GALK2: variants seen among roughly 807,000 people sequenced by gnomAD.
GALK2 encodes the protein N-acetylgalactosamine kinase.
GALK2 carries 36 observed loss-of-function variants against 52.4 expected under a neutral mutation model. The observed-to-expected ratio is 0.69, with a 90% CI of 0.53 to 0.91. GALK2 has a LOEUF of 0.91. Ranked by LOEUF, GALK2 falls within the 40% of genes least tolerant of loss-of-function variation. The pLI, the probability that GALK2 is intolerant of heterozygous loss-of-function variation, is 0.00. For synonymous variants in GALK2, 176 were observed against 199.1 expected (o/e 0.88, Z 0.98); for missense variants, 579 against 559.1 (o/e 1.04, Z -0.36).
downstream of GALK2, among the ~76,000 whole-genome samples, chr15:49,334,508 A>T (rs1375236660): frequency 6.6e-6 from 1 of 152,184 alleles, no homozygotes; most frequent in Non-Finnish European, 1.5e-5. Flanking sequence ...ACCTGAGTAC[A>T]GCTGGACTCC....
rs150631282 is a variant in GALK2, at chr15:49,170,331, A to G, written c.9A>G (p.Thr3=). The G allele has an allele frequency of 2.5e-6, 4 of 1,590,028 alleles. No individual in the cohort carries two copies. The East Asian group carries it at 9.1e-5, about 36-fold the overall frequency. ...GAAGGATCTAGCGAAATATGGCTACAGAGAGCCCTGCTACGCGTCGGGTCC... is the reference window on the plus strand; with the variant it reads ...GAAGGATCTAGCGAAATATGGCTACGGAGAGCCCTGCTACGCGTCGGGTCC... The part of the protein sequence containing the change: MA[T]ESPATRRVQV... Residue 3 remains threonine (T), a synonymous_variant, in exon 1 of 10, where the codon ACA becomes ACG. Coordinates refer to ENST00000560031, the MANE Select transcript of GALK2 (RefSeq NM_002044.4).
chr15:49,281,173 T>C (rs1456688739), intron 5 of GALK2, among the ~76,000 whole-genome samples: 1 of 152,204 alleles, frequency 6.6e-6, no homozygotes, highest in East Asian at 1.9e-4. Context: ...GGGATTTATC[T>C]ATAGTAGCTA....
At chr15:49,351,895 T>C (rs1397286169) in intron 3 of GALK2, among the ~76,000 whole-genome samples, 1 of 152,220 alleles carries the variant, frequency 6.6e-6, no homozygotes, top group African/African-American at 2.4e-5. Context: ...TGTCTATTGC[T>C]ATATAACAAA....
chr15:49,156,728 G>C, intron 1 of GALK2: 1 of 538,942 alleles, frequency 1.9e-6, no homozygotes. Context: ...ATGAACTGCT[G>C]AGAAAATAGC....
At chr15:49,157,547 G>T (rs556606096) in intron 1 of GALK2, among the ~76,000 whole-genome samples, 10 of 152,306 alleles carry the variant, frequency 6.6e-5, no homozygotes, top group African/African-American at 2.4e-4. Flanking sequence ...GGCCTTCAGA[G>T]AGAGAGGCAG....
At chr15:49,170,121 A>T, upstream of GALK2, 1 of 1,256,048 alleles carries the variant, frequency 8.0e-7, no homozygotes, top group Non-Finnish European at 1.1e-6. Context: ...GCTTGGAGGG[A>T]ACCCTGGCTG....
chr15:49,350,689 C>G (rs2042109662), intron 3 of GALK2, among the ~76,000 whole-genome samples: 1 of 152,152 alleles, frequency 6.6e-6, no homozygotes, highest in Admixed American at 6.5e-5. Context: ...AATTTTTGAC[C>G]TTGGTGGGTC....
intron 3 of GALK2, chr15:49,226,584 C>G (rs1371611808): frequency 6.6e-6 from 1 of 151,952 alleles, no homozygotes; most frequent in East Asian, 1.9e-4. Context: ...ACTTTATTTA[C>G]TTCTATTCTG....
intron 1 of GALK2, among the ~76,000 whole-genome samples, chr15:49,175,858 T>C (rs1276680656): frequency 6.6e-6 from 1 of 152,180 alleles, no homozygotes; most frequent in African/African-American, 2.4e-5. Context: ...TGTTCCCTTC[T>C]AATTACCAGT....
At chr15:49,340,739 T>C (rs2040595532) in intron 3 of GALK2, among the ~76,000 whole-genome samples, 1 of 152,196 alleles carries the variant, frequency 6.6e-6, no homozygotes, top group Non-Finnish European at 1.5e-5. Flanking sequence ...TGATGTTTTA[T>C]ATTGCTGTGC....
intron 3 of GALK2, among the ~76,000 whole-genome samples, chr15:49,234,583 G>A (rs892459888): frequency 1.3e-5 from 2 of 152,064 alleles, no homozygotes; most frequent in African/African-American, 4.8e-5. Flanking sequence ...ATGTGCAGGG[G>A]AACTCCCCTT....
chr15:49,314,401 A>C (rs1273546790), intron 8 of GALK2, among the ~76,000 whole-genome samples: 2 of 152,178 alleles, frequency 1.3e-5, no homozygotes, highest in Non-Finnish European at 2.9e-5. Context: ...GAAGTTTACT[A>C]ATTGTTTCCA....
At chr15:49,243,237 C>T (rs1298669342) in intron 5 of GALK2, among the ~76,000 whole-genome samples, 1 of 152,132 alleles carries the variant, frequency 6.6e-6, no homozygotes, top group African/African-American at 2.4e-5. Flanking sequence ...GGAGAAACAA[C>T]CAGAGATCAT....
intron 5 of GALK2, among the ~76,000 whole-genome samples, chr15:49,281,549 C>A (rs2032700467): frequency 6.6e-6 from 1 of 152,064 alleles, no homozygotes; most frequent in African/African-American, 2.4e-5. Context: ...TACTTTTGGA[C>A]AGGAAAATAA....
intron 3 of GALK2, chr15:49,344,125 CAT>C (rs1416317545): frequency 6.6e-6 from 1 of 152,088 alleles, no homozygotes; most frequent in Admixed American, 6.5e-5. Flanking sequence ...TATGAAATCT[CAT>C]ATTGATGAAT....
intron 1 of GALK2, among the ~76,000 whole-genome samples, chr15:49,160,887 T>A (rs1328074369): frequency 1.3e-5 from 2 of 151,166 alleles, no homozygotes; most frequent in Admixed American, 1.3e-4. Flanking sequence ...AAAAAAAAAA[T>A]TAATAGCACC....
chr15:49,185,447 A>G (rs1241491114), intron 1 of GALK2, among the ~76,000 whole-genome samples: 1 of 152,152 alleles, frequency 6.6e-6, no homozygotes, highest in East Asian at 1.9e-4. Context: ...ACATATGAGT[A>G]CATTTGTCTT....
At chr15:49,174,321 G>A (rs2085299123) in intron 1 of GALK2, among the ~76,000 whole-genome samples, 1 of 151,966 alleles carries the variant, frequency 6.6e-6, no homozygotes, top group African/African-American at 2.4e-5. Context: ...AGATGTTATT[G>A]GATTGCCTAT....
chr15:49,264,078 G>A (rs1460062686), intron 5 of GALK2, among the ~76,000 whole-genome samples: 2 of 151,762 alleles, frequency 1.3e-5, no homozygotes, highest in Admixed American at 1.3e-4. Flanking sequence ...GAGTATCTTT[G>A]TGGCGTTCTC....
Sources: allele counts gnomAD v4.1 joint callset (sites outside exome capture counted in the v4.1 genomes callset), GRCh38; gene constraint gnomAD v4.1.1; transcripts MANE v1.5; gene names NCBI Gene and HGNC (gene_info 2026-07-23, HGNC 2026-07-21).